The following THRB variants were observed in gnomAD, a reference collection of about 807,000 sequenced individuals.
THRB encodes thyroid hormone receptor beta.
THRB carries 12 observed loss-of-function variants against 47.8 expected under a neutral mutation model. The observed-to-expected ratio is 0.25, with a 90% CI of 0.16 to 0.41. The LOEUF is 0.41. Among genes scored for constraint, THRB ranks in the 10% least tolerant of loss-of-function variants. THRB has a pLI of 1.00. For missense variants in THRB, 348 were observed against 589.2 expected, an observed-to-expected ratio of 0.59 and a Z score of 4.24; for synonymous variants, 218 against 212.2, an observed-to-expected ratio of 1.03 and a Z score of -0.24.
chr3:24,307,654 A>G (rs1006988950), intron 2 of THRB, among the ~76,000 whole-genome samples: 1 of 152,148 alleles, frequency 6.6e-6, no homozygotes, highest in African/African-American at 2.4e-5. Flanking sequence ...TTTTTTTAGG[A>G]AATATTTTCA....
At chr3:24,409,438 A>G (rs2068098651) in intron 1 of THRB, among the ~76,000 whole-genome samples, 1 of 151,832 alleles carries the variant, frequency 6.6e-6, no homozygotes, top group African/African-American at 2.4e-5. Context: ...AGTTAAGAAT[A>G]TGGGCTCTGG....
At chr3:24,226,830 C>G (rs895578143) in intron 4 of THRB, among the ~76,000 whole-genome samples, 5 of 152,222 alleles carry the variant, frequency 3.3e-5, no homozygotes, top group Non-Finnish European at 5.9e-5. Flanking sequence ...ACAGCCAAGT[C>G]TATTTATTTA....
intron 4 of THRB, among the ~76,000 whole-genome samples, chr3:24,220,018 A>G (rs1559641387): frequency 2.0e-5 from 3 of 152,194 alleles, no homozygotes; most frequent in African/African-American, 4.8e-5. Context: ...AGACACTGGT[A>G]TTTTTTAACA....
intron 1 of THRB, among the ~76,000 whole-genome samples, chr3:24,478,707 G>A (rs1200623780): frequency 6.6e-6 from 1 of 152,128 alleles, no homozygotes; most frequent in African/African-American, 2.4e-5. Context: ...AGGTGTGTCA[G>A]AATCAACCGG....
chr3:24,119,301 G>A lies in THRB; in HGVS notation c.*3583C>T, dbSNP rs983161439. 6.6e-6 allele frequency: 1 copy of A among 152,224 alleles called. No homozygotes were observed. The highest frequency in any genetic ancestry group is 2.4e-5 in the African/African-American group (1 of 41,446). 9.4% of individuals were successfully genotyped at this position (152,224 alleles called of 1,614,324 possible). On this transcript the variant is annotated 3_prime_UTR_variant, in exon 11 of 11. Coordinates refer to ENST00000646209, the MANE Select transcript of THRB (RefSeq NM_001354712.2). ...ATGTCGATCATCACTCTCCATTTGA[G>A]GAGGAACTGTGGCTTGGTTATTCAC...
intron 1 of THRB, among the ~76,000 whole-genome samples, chr3:24,448,565 C>A (rs1388991596): frequency 6.6e-6 from 1 of 152,126 alleles, no homozygotes; most frequent in East Asian, 1.9e-4. Context: ...AGCTAGGGGT[C>A]TTTATTAAAA....
chr3:24,349,890 T>C (rs2063259608), intron 1 of THRB, among the ~76,000 whole-genome samples: 2 of 151,912 alleles, frequency 1.3e-5, no homozygotes, highest in Non-Finnish European at 2.9e-5. Context: ...GGTAAGAAAT[T>C]AGATTATATT....
chr3:24,384,309 A>G (rs996062874), intron 1 of THRB, among the ~76,000 whole-genome samples: 24 of 152,254 alleles, frequency 1.6e-4, no homozygotes, highest in African/African-American at 5.1e-4. Flanking sequence ...AAATTGTTAT[A>G]TAAGGGAGAC....
chr3:24,440,239 A>C (rs1251627885), intron 1 of THRB, among the ~76,000 whole-genome samples: 2 of 152,158 alleles, frequency 1.3e-5, no homozygotes, highest in Admixed American at 1.3e-4. Context: ...TCCAGGTAGT[A>C]ATTCTGTTAC....
At chr3:24,140,804 G>C (rs2035342428) in intron 8 of THRB, among the ~76,000 whole-genome samples, 2 of 152,190 alleles carry the variant, frequency 1.3e-5, no homozygotes, top group Admixed American at 1.3e-4. Flanking sequence ...TGTGTATACA[G>C]AGATGAGAAA....
intron 3 of THRB, among the ~76,000 whole-genome samples, chr3:24,283,298 T>G (rs1338270904): frequency 1.1e-4 from 17 of 152,176 alleles, no homozygotes; most frequent in Admixed American, 1.1e-3. Context: ...TCAATAAACA[T>G]AATCCAGCAT....
intron 1 of THRB, among the ~76,000 whole-genome samples, chr3:24,400,668 G>T (rs375953335): frequency 1.3e-5 from 2 of 152,016 alleles, no homozygotes; most frequent in African/African-American, 4.8e-5. Flanking sequence ...AGGTTGAATC[G>T]TAGGTCTATA....
intron 1 of THRB, among the ~76,000 whole-genome samples, chr3:24,446,017 GA>G (rs1260659595): frequency 6.6e-6 from 1 of 151,978 alleles, no homozygotes; most frequent in Non-Finnish European, 1.5e-5. Context: ...TATATGCAGA[GA>G]AAAAAACTGG....
In THRB at chr3:24,118,973, G is replaced by GTTTTTTTTTTTTTTTT. The variant is rs559325556; in HGVS notation, c.*3895_*3910dup. ...GCCAAACCTTTTTTCCCCCAGTCTG[G>GTTTTTTTTTTTTTTTT]TTTTTTTTTTTTTTTTTTTTTTTTT... On this transcript the variant is annotated 3_prime_UTR_variant, in exon 11 of 11. Coordinates refer to ENST00000646209, the MANE Select transcript of THRB (RefSeq NM_001354712.2). 1.6e-4 allele frequency: 8 copies of GTTTTTTTTTTTTTTTT among 49,528 alleles called. No homozygotes were observed. Among genetic ancestry groups the GTTTTTTTTTTTTTTTT allele is most frequent in the East Asian group, 8.5e-4 (1 of 1,180 alleles). 3.1% of individuals were successfully genotyped at this position (49,528 alleles called of 1,614,324 possible).
At chr3:24,261,892 C>T (rs2052079952) in intron 3 of THRB, among the ~76,000 whole-genome samples, 1 of 152,166 alleles carries the variant, frequency 6.6e-6, no homozygotes, top group South Asian at 2.1e-4. Flanking sequence ...GGTTCTTTTC[C>T]ATCCAGCCTT....
intron 7 of THRB, among the ~76,000 whole-genome samples, chr3:24,145,616 G>A (rs902253937): frequency 3.9e-4 from 59 of 152,092 alleles, no homozygotes; most frequent in African/African-American, 1.4e-3. Flanking sequence ...GATTAACCCA[G>A]GATTTCCAGC....
At chr3:24,464,508 T>TA (rs1220285989) in intron 1 of THRB, among the ~76,000 whole-genome samples, 1 of 152,218 alleles carries the variant, frequency 6.6e-6, no homozygotes. Context: ...CTTTTTGAGT[T>TA]ACTATTTTTA....
intron 1 of THRB, among the ~76,000 whole-genome samples, chr3:24,443,711 T>G (rs1446334928): frequency 6.6e-6 from 1 of 152,196 alleles, no homozygotes; most frequent in African/African-American, 2.4e-5. Context: ...ACTTATGCAA[T>G]AATTCAAAAG....
At chr3:24,158,195 A>T (rs1461558879) in intron 5 of THRB, among the ~76,000 whole-genome samples, 1 of 152,170 alleles carries the variant, frequency 6.6e-6, no homozygotes, top group Non-Finnish European at 1.5e-5. Context: ...CTGAACCCAA[A>T]TTCTCACAGT....
Sources: gnomAD v4.1 joint callset for allele counts (sites outside exome capture counted in the v4.1 genomes callset) on GRCh38, gnomAD v4.1.1 for gene constraint, MANE v1.5 for transcripts, NCBI Gene and HGNC (gene_info 2026-07-23, HGNC 2026-07-21) for gene names.